Variants in MDGA2 observed in about 807,000 individuals in gnomAD.
MDGA2 encodes the protein MAM domain-containing glycosylphosphatidylinositol anchor protein 2.
MDGA2 carries 40 observed loss-of-function variants against 117.8 expected under a neutral mutation model. The observed-to-expected ratio is 0.34, with a 90% confidence interval of 0.26 to 0.44. The LOEUF (loss-of-function observed/expected upper bound fraction) is 0.44. Among genes scored for constraint, MDGA2 ranks in the 20% least tolerant of loss-of-function variants. MDGA2 has a pLI of 1.00. For synonymous variants in MDGA2, 452 were observed against 439.0 expected, an observed-to-expected ratio of 1.03 and a Z score of -0.37; for missense variants, 1,123 against 1,250.6, an observed-to-expected ratio of 0.90 and a Z score of 1.54.
At chr14:47,512,391 A>G (rs1894660458) in intron 1 of MDGA2, among the ~76,000 whole-genome samples, 1 of 152,184 alleles carries the variant, frequency 6.6e-6, no homozygotes, top group Non-Finnish European at 1.5e-5. Flanking sequence ...CATTATAAAC[A>G]TTTAATGTGA....
At chr14:47,483,107 T>G (rs1365839966) in intron 1 of MDGA2, among the ~76,000 whole-genome samples, 1 of 152,132 alleles carries the variant, frequency 6.6e-6, no homozygotes, top group African/African-American at 2.4e-5. Flanking sequence ...GTTTTTCATT[T>G]ATATTTTTTT....
intron 1 of MDGA2, among the ~76,000 whole-genome samples, chr14:47,554,614 T>C (rs909822317): frequency 6.6e-6 from 1 of 152,176 alleles, no homozygotes; most frequent in Non-Finnish European, 1.5e-5. Flanking sequence ...CGTGTTTTGT[T>C]TGAATAATGA....
chr14:47,371,778 A>G (rs1158787794), intron 1 of MDGA2, among the ~76,000 whole-genome samples: 1 of 151,812 alleles, frequency 6.6e-6, no homozygotes, highest in African/African-American at 2.4e-5. Context: ...CTAAGTTTCT[A>G]GGTTTATAAA....
chr14:47,578,677 T>G (rs961517833), intron 1 of MDGA2, among the ~76,000 whole-genome samples: 1 of 152,172 alleles, frequency 6.6e-6, no homozygotes, highest in Non-Finnish European at 1.5e-5. Flanking sequence ...TCCACTACCA[T>G]AATTCCTACA....
In MDGA2 at chr14:47,516,482, T is replaced by C. The variant is rs551818338; in HGVS notation, c.280+158035A>G. ...CAGGTACTAAATTACTACTGATTAATAGACTTGAATATATTCTTGAGTACA... is the reference window on the plus strand; with the variant it reads ...CAGGTACTAAATTACTACTGATTAACAGACTTGAATATATTCTTGAGTACA... On this transcript the variant is annotated intron_variant, in intron 1 of 16. Transcript: ENST00000399232. Among the ~76,000 whole-genome samples, 10 of 152,304 alleles carry C rather than the reference T, an allele frequency of 6.6e-5. No homozygotes were observed. In the South Asian group the frequency reaches 2.1e-3, roughly 32 times the overall value.
chr14:47,044,637 T>C (rs186344679), intron 7 of MDGA2, among the ~76,000 whole-genome samples: 55 of 152,284 alleles, frequency 3.6e-4, no homozygotes, highest in African/African-American at 1.1e-3. Flanking sequence ...AAAAACTGCC[T>C]TTTTTCACAC....
chr14:47,567,863 C>G (rs1214139187), intron 1 of MDGA2, among the ~76,000 whole-genome samples: 2 of 152,028 alleles, frequency 1.3e-5, no homozygotes, highest in Admixed American at 1.3e-4. Flanking sequence ...GGCTGAAATT[C>G]ACTATGAATT....
chr14:46,916,961 T>C (rs187019499), intron 10 of MDGA2, among the ~76,000 whole-genome samples: 175 of 151,972 alleles, frequency 1.2e-3, no homozygotes, highest in Admixed American at 3.0e-3. Flanking sequence ...AAGGGAAATA[T>C]TTGTTTTCTG....
chr14:46,932,212 T>C (rs1884607704), intron 9 of MDGA2, among the ~76,000 whole-genome samples: 1 of 151,902 alleles, frequency 6.6e-6, no homozygotes, highest in Non-Finnish European at 1.5e-5. Context: ...AGAACGATAG[T>C]AATTAAAATT....
chr14:46,869,520 G>A (rs1206795799), intron 14 of MDGA2, among the ~76,000 whole-genome samples: 3 of 151,688 alleles, frequency 2.0e-5, no homozygotes, highest in Admixed American at 6.6e-5. Context: ...TAACATTATA[G>A]TTTTCATTTG....
chr14:46,856,894 TCTC>T (rs1881289585), intron 14 of MDGA2, among the ~76,000 whole-genome samples: 1 of 152,122 alleles, frequency 6.6e-6, no homozygotes. Context: ...AGATATAACT[TCTC>T]AGAGTCTAAT....
At chr14:46,898,316 A>G (rs1399573972) in intron 10 of MDGA2, among the ~76,000 whole-genome samples, 2 of 152,074 alleles carry the variant, frequency 1.3e-5, no homozygotes, top group African/African-American at 4.8e-5. Flanking sequence ...TAAGGGTTGA[A>G]TGATTTGAAG....
chr14:47,009,498 G>A (rs1443027049), intron 8 of MDGA2, among the ~76,000 whole-genome samples: 1 of 151,886 alleles, frequency 6.6e-6, no homozygotes, highest in Admixed American at 6.6e-5. Flanking sequence ...AATTTAATCA[G>A]TATCCACTTT....
At chr14:47,304,455 TA>T (rs948176142) in intron 1 of MDGA2, among the ~76,000 whole-genome samples, 2 of 152,066 alleles carry the variant, frequency 1.3e-5, no homozygotes, top group Admixed American at 1.3e-4. Context: ...GCTAGGGGTA[TA>T]AAAAACTATT....
At chr14:47,359,944 G>C (rs1389034349) in intron 1 of MDGA2, among the ~76,000 whole-genome samples, 1 of 151,956 alleles carries the variant, frequency 6.6e-6, no homozygotes, top group Non-Finnish European at 1.5e-5. Context: ...TCAACTTATA[G>C]ATTAAGAAAA....
chr14:47,379,845 C>T (rs7159072), intron 1 of MDGA2, among the ~76,000 whole-genome samples: 152,203 of 152,278 alleles, frequency 1, 76,064 homozygotes, highest in Middle Eastern at 1. Flanking sequence ...TATCCAGGAA[C>T]TGAACTCAGC....
chr14:47,302,897 A>C (rs1216782067), intron 1 of MDGA2, among the ~76,000 whole-genome samples: 1 of 152,144 alleles, frequency 6.6e-6, no homozygotes, highest in South Asian at 2.1e-4. Flanking sequence ...ATGATTAATA[A>C]AACAACTGGT....
At chr14:47,081,553 CAAAAA>C (rs1457104700) in intron 6 of MDGA2, among the ~76,000 whole-genome samples, 2 of 151,994 alleles carry the variant, frequency 1.3e-5, no homozygotes, top group Non-Finnish European at 2.9e-5. Context: ...AAAAACAAAA[CAAAAA>C]CACTAGAGTT....
At chr14:46,930,559 T>C (rs1884530552) in intron 9 of MDGA2, among the ~76,000 whole-genome samples, 1 of 152,204 alleles carries the variant, frequency 6.6e-6, no homozygotes, top group Non-Finnish European at 1.5e-5. Flanking sequence ...AATAATCTTA[T>C]ATAAGACCGG....
Sources: gnomAD v4.1 joint callset for allele counts (sites outside exome capture counted in the v4.1 genomes callset) on GRCh38, gnomAD v4.1.1 for gene constraint, MANE v1.5 for transcripts, NCBI Gene and HGNC (gene_info 2026-07-23, HGNC 2026-07-21) for gene names.